GLCCI1: variants seen among roughly 807,000 people sequenced by gnomAD.
GLCCI1 encodes the protein glucocorticoid induced 1.
Under a neutral mutation model 52.2 loss-of-function variants are expected in GLCCI1, and 24 were observed. The observed-to-expected ratio is 0.46, with a 90% CI of 0.33 to 0.65. GLCCI1 has a LOEUF of 0.65. Among genes scored for constraint, GLCCI1 ranks in the 30% least tolerant of loss-of-function variants. The pLI is 0.02. For synonymous variants in GLCCI1, 310 were observed against 276.5 expected (o/e 1.12, Z -1.20); for missense variants, 704 against 701.5 (o/e 1.00, Z -0.04).
intron 3 of GLCCI1, among the ~76,000 whole-genome samples, chr7:8,048,720 C>T (rs1782191350): frequency 6.6e-6 from 1 of 152,134 alleles, no homozygotes; most frequent in African/African-American, 2.4e-5. Flanking sequence ...TATAAGACTC[C>T]TGATTTAGAG....
At chr7:8,013,794 A>AAGATGTCCT (rs1304009403) in intron 2 of GLCCI1, among the ~76,000 whole-genome samples, 2 of 152,166 alleles carry the variant, frequency 1.3e-5, no homozygotes. Flanking sequence ...TACATACAGG[A>AAGATGTCCT]CATCTTCAAC....
chr7:8,085,048 C>G, intron 7 of GLCCI1, 31 bp downstream of exon 7: 2 of 1,611,994 alleles, frequency 1.2e-6, no homozygotes, highest in South Asian at 2.2e-5. Flanking sequence ...CAGCTGGGAT[C>G]TGCAAAGCTG....
Position 7,969,866 on chromosome 7 carries a change from G to A in GLCCI1, c.457+59G>A. On this transcript the variant is annotated intron_variant, in intron 1 of 7. Coordinates refer to ENST00000223145, the MANE Select transcript of GLCCI1 (RefSeq NM_138426.4). This position sits in a 1 kb window ranked among gnomAD's most constrained non-coding sequence, Gnocchi z 4.9. ...GCGTCTCCCCGACGGTGCCCTCCGT[G>A]GAAACTTCAGCCTCTTCGGGCTTCT... 1 of 1,308,360 alleles carries A rather than the reference G, an allele frequency of 7.6e-7. No individual in the cohort carries two copies. The highest frequency in any genetic ancestry group is 9.8e-7 in the Non-Finnish European group (1 of 1,017,492). 81.0% of individuals were successfully genotyped at this position (1,308,360 alleles called of 1,614,324 possible).
At chr7:8,074,473 C>G (rs912135632) in intron 6 of GLCCI1, among the ~76,000 whole-genome samples, 2 of 152,066 alleles carry the variant, frequency 1.3e-5, no homozygotes, top group African/African-American at 4.8e-5. Context: ...CACTTGAGGT[C>G]AGGAGTTAAA....
rs962938379 is a variant in GLCCI1 at position 7,980,325 on chromosome 7, A to G, written c.457+10518A>G. 6.6e-5 allele frequency: 11 copies of G among 167,012 alleles called. No individual in the cohort carries two copies. The East Asian group carries it at 1.4e-3, about 21-fold the overall frequency. 10.3% of individuals were successfully genotyped at this position (167,012 alleles called of 1,614,324 possible). A position where few individuals can be genotyped will look rare whatever the true frequency, so the allele number is the denominator to read the frequency against. ...GAGAAGTGGGTGCCATGGCGGTTCT[A>G]CTGGAGACTACTGTGGGCAATGTGG... On this transcript the variant is annotated intron_variant, in intron 1 of 7. Coordinates refer to ENST00000223145, the MANE Select transcript of GLCCI1 (RefSeq NM_138426.4).
chr7:8,022,336 C>T (rs185040353), intron 2 of GLCCI1, 147 bp from the exon 3 acceptor site: 22 of 313,564 alleles, frequency 7.0e-5, no homozygotes, highest in Admixed American at 1.9e-4. Flanking sequence ...AAACATTTCA[C>T]GGGGTCACAA....
intron 2 of GLCCI1, among the ~76,000 whole-genome samples, chr7:8,016,772 T>C (rs1781390149): frequency 6.6e-6 from 1 of 152,214 alleles, no homozygotes; most frequent in South Asian, 2.1e-4. Flanking sequence ...GCACAGTATC[T>C]ATGACATAAC....
intron 3 of GLCCI1, among the ~76,000 whole-genome samples, chr7:8,050,259 G>A (rs1050665277): frequency 6.6e-6 from 1 of 152,106 alleles, no homozygotes; most frequent in African/African-American, 2.4e-5. Context: ...GCATGTTTGT[G>A]TGCATGTGTT....
At chr7:8,073,950 C>T (rs946858642) in intron 6 of GLCCI1, among the ~76,000 whole-genome samples, 1 of 152,144 alleles carries the variant, frequency 6.6e-6, no homozygotes, top group Non-Finnish European at 1.5e-5. Flanking sequence ...GTTTCTAGTT[C>T]TCAAATCAAA....
intron 1 of GLCCI1, among the ~76,000 whole-genome samples, chr7:7,975,318 G>C (rs1780441245): frequency 6.6e-6 from 1 of 152,198 alleles, no homozygotes; most frequent in South Asian, 2.1e-4. Context: ...TATTCCAAGT[G>C]AATGTTACTA....
intron 2 of GLCCI1, among the ~76,000 whole-genome samples, chr7:8,019,258 CT>C (rs1343294206): frequency 2.0e-5 from 3 of 152,104 alleles, no homozygotes; most frequent in Admixed American, 1.3e-4. Flanking sequence ...GGTTATTGAG[CT>C]TTTAAAATGT....
chr7:8,024,833 C>T lies in GLCCI1; in HGVS notation c.696+2264C>T, dbSNP rs944720038. On this transcript the variant is annotated intron_variant, in intron 3 of 7. Transcript: ENST00000223145. ...ACATAGGGTAAGAATAGCACAAATT[C>T]GTGATCTGGTGCTACTCCTTTTCTC... is the stretch of plus-strand genomic sequence containing the variant. 7 of 152,210 alleles carry T rather than the reference C, an allele frequency of 4.6e-5. No individual in the cohort carries two copies. In the South Asian group the frequency reaches 1.0e-3, roughly 23 times the overall value. 9.4% of individuals were successfully genotyped at this position (152,210 alleles called of 1,614,324 possible).
chr7:8,063,661 C>T (rs1782566831), intron 5 of GLCCI1, among the ~76,000 whole-genome samples: 1 of 148,030 alleles, frequency 6.8e-6, no homozygotes, highest in Admixed American at 6.8e-5. Flanking sequence ...CTCCATTGCC[C>T]AGGCTGGAGT....
chr7:8,017,688 TA>T (rs959565517), intron 2 of GLCCI1, among the ~76,000 whole-genome samples: 3 of 151,446 alleles, frequency 2.0e-5, no homozygotes, highest in East Asian at 1.9e-4. Flanking sequence ...TCCTAAAGCT[TA>T]AAAAAAAACC....
At chr7:7,974,852 A>T (rs1031783886) in intron 1 of GLCCI1, among the ~76,000 whole-genome samples, 5 of 152,164 alleles carry the variant, frequency 3.3e-5, no homozygotes, top group African/African-American at 1.2e-4. Context: ...CCCCTGTCCT[A>T]GTCTGTGTCT....
intron 2 of GLCCI1, among the ~76,000 whole-genome samples, chr7:8,008,286 T>C (rs1781197433): frequency 6.7e-6 from 1 of 149,496 alleles, no homozygotes; most frequent in African/African-American, 2.5e-5. Context: ...ATGTTGTATA[T>C]CTTTTTTTTT....
chr7:8,017,704 G>T (rs199978065), intron 2 of GLCCI1, among the ~76,000 whole-genome samples: 1 of 151,978 alleles, frequency 6.6e-6, no homozygotes, highest in African/African-American at 2.4e-5. Context: ...AAAACCTTCC[G>T]ACTTTACATA....
At chr7:8,051,115 C>T (rs1782249635) in intron 3 of GLCCI1, among the ~76,000 whole-genome samples, 1 of 152,124 alleles carries the variant, frequency 6.6e-6, no homozygotes, top group African/African-American at 2.4e-5. Flanking sequence ...AGAGCATTTT[C>T]AGCATGTTGA....
intron 2 of GLCCI1, among the ~76,000 whole-genome samples, chr7:8,009,645 G>A (rs1781224024): frequency 6.6e-6 from 1 of 152,008 alleles, no homozygotes; most frequent in Non-Finnish European, 1.5e-5. Flanking sequence ...TGTCCATCTG[G>A]GTCACTGACA....
Sources: allele counts gnomAD v4.1 joint callset (sites outside exome capture counted in the v4.1 genomes callset), GRCh38; gene constraint gnomAD v4.1.1; non-coding constraint Gnocchi (gnomAD v3.1); transcripts MANE v1.5; gene names NCBI Gene and HGNC (gene_info 2026-07-23, HGNC 2026-07-21).